ADK: variants seen among roughly 807,000 people sequenced by gnomAD.
ADK encodes adenosine kinase.
A neutral mutation model predicts 44.7 loss-of-function variants in ADK; 24 were observed. That is an observed-to-expected ratio of 0.54 (90% CI 0.39 to 0.76). ADK has a LOEUF of 0.76. ADK is among the 30% of genes least tolerant of loss of function. The pLI is 0.00. For synonymous variants in ADK, 128 were observed against 142.6 expected, an observed-to-expected ratio of 0.90 and a Z score of 0.73; for missense variants, 321 against 425.1, an observed-to-expected ratio of 0.76 and a Z score of 2.15.
At chr10:74,270,359 A>G (rs916560671) in intron 3 of ADK, among the ~76,000 whole-genome samples, 7 of 152,322 alleles carry the variant, frequency 4.6e-5, no homozygotes, top group African/African-American at 1.7e-4. Context: ...TCTAAACCAG[A>G]AAAAAATAGT....
At chr10:74,371,998 A>C in intron 4 of ADK, 1 of 794,190 alleles carries the variant, frequency 1.3e-6, no homozygotes, top group Non-Finnish European at 2.2e-6. Context: ...TCTCCTCTGC[A>C]CTTTGTGGAC....
chr10:74,704,576 T>C (rs1856532813), intron 10 of ADK, among the ~76,000 whole-genome samples: 1 of 152,244 alleles, frequency 6.6e-6, no homozygotes, highest in African/African-American at 2.4e-5. Context: ...ACATTCACCT[T>C]GGGCAAAGGT....
At chr10:74,679,317 A>G (rs1018488046) in intron 10 of ADK, among the ~76,000 whole-genome samples, 9 of 152,238 alleles carry the variant, frequency 5.9e-5, no homozygotes, top group Non-Finnish European at 1.2e-4. Context: ...GCAAGAAAGT[A>G]AATTTCCATA....
chr10:74,581,443 CAA>C (rs1851371394), intron 7 of ADK, among the ~76,000 whole-genome samples: 1 of 151,962 alleles, frequency 6.6e-6, no homozygotes, highest in Non-Finnish European at 1.5e-5. Context: ...AGCTGTGAGA[CAA>C]CTTTAGATGA....
chr10:74,630,345 A>G (rs369277892), intron 9 of ADK, among the ~76,000 whole-genome samples: 2 of 150,282 alleles, frequency 1.3e-5, no homozygotes, highest in South Asian at 2.1e-4. Context: ...TTTTTGGTCC[A>G]GGATACAATC....
At chr10:74,463,763 G>T (rs1485376102) in intron 6 of ADK, among the ~76,000 whole-genome samples, 5 of 151,954 alleles carry the variant, frequency 3.3e-5, no homozygotes, top group Non-Finnish European at 7.4e-5. Flanking sequence ...GTGCAGATTC[G>T]TCGTCTTTAC....
chr10:74,385,451 AG>A (rs1247436792), intron 4 of ADK, among the ~76,000 whole-genome samples: 1 of 152,194 alleles, frequency 6.6e-6, no homozygotes, highest in Non-Finnish European at 1.5e-5. Context: ...TAAGAATTGT[AG>A]GTAACCTGGG....
At chr10:74,446,672 T>C (rs911279742) in intron 6 of ADK, among the ~76,000 whole-genome samples, 18 of 152,304 alleles carry the variant, frequency 1.2e-4, no homozygotes, top group African/African-American at 4.1e-4. Context: ...ATACAGTGAA[T>C]GAAATATAGG....
chr10:74,266,734 GT>G (rs1846229562), intron 3 of ADK, among the ~76,000 whole-genome samples: 1 of 152,096 alleles, frequency 6.6e-6, no homozygotes, highest in African/African-American at 2.4e-5. Flanking sequence ...AATAAACTGT[GT>G]TTTAAAAGTA....
intron 7 of ADK, among the ~76,000 whole-genome samples, chr10:74,577,689 T>C (rs758056084): frequency 6.6e-6 from 1 of 152,118 alleles, no homozygotes; most frequent in Non-Finnish European, 1.5e-5. Context: ...TTTTATCCAG[T>C]ACTATTTTAG....
Position 74,180,967 on chromosome 10 carries a change from G to A in ADK, c.66-19797G>A, listed in dbSNP as rs113469409. 6.6e-5 allele frequency among the ~76,000 whole-genome samples: 10 copies of A among 152,274 alleles called. 1 individual carries two copies. Among genetic ancestry groups the A allele is most frequent in the African/African-American group, 2.4e-4 (10 of 41,560 alleles). On this transcript the variant is annotated intron_variant, in intron 1 of 10. Transcript: ENST00000539909. ...TGTAAAAGTGCTTTTAAATTTTAAA[G>A]CATTTTAAAAATAGAATAAAAGCAC...
At chr10:74,158,841 T>TG in intron 1 of ADK, among the ~76,000 whole-genome samples, 2 of 152,350 alleles carry the variant, frequency 1.3e-5, no homozygotes, top group Admixed American at 1.3e-4. Context: ...AGATACTTTT[T>TG]GGCTAGCTCT....
chr10:74,613,419 G>C (rs1852630039), intron 9 of ADK, among the ~76,000 whole-genome samples: 1 of 152,048 alleles, frequency 6.6e-6, no homozygotes, highest in Non-Finnish European at 1.5e-5. Flanking sequence ...CTCAGGCCTT[G>C]GGAAATGCTT....
intron 3 of ADK, among the ~76,000 whole-genome samples, chr10:74,282,939 G>A (rs151017105): frequency 4.6e-5 from 7 of 152,306 alleles, no homozygotes; most frequent in African/African-American, 1.4e-4. Context: ...TACCATGAGA[G>A]TAGTTGTTCT....
At chr10:74,673,677 G>T (rs994459924) in intron 10 of ADK, among the ~76,000 whole-genome samples, 2 of 152,176 alleles carry the variant, frequency 1.3e-5, no homozygotes, top group Admixed American at 6.5e-5. Context: ...ACCCTCCATT[G>T]TCACCAATGT....
At chr10:74,409,293 G>T (rs373670498) in intron 6 of ADK, among the ~76,000 whole-genome samples, 2 of 152,226 alleles carry the variant, frequency 1.3e-5, no homozygotes. Context: ...TGCAAGTTTA[G>T]GCTTATTATG....
chr10:74,418,926 GC>G (rs1844464397), intron 6 of ADK, among the ~76,000 whole-genome samples: 1 of 152,180 alleles, frequency 6.6e-6, no homozygotes, highest in South Asian at 2.1e-4. Context: ...TAGATTGTTT[GC>G]ATGGACTCTA....
At chr10:74,277,054 A>G (rs111841504) in intron 3 of ADK, among the ~76,000 whole-genome samples, 18,665 of 151,966 alleles carry the variant, frequency 0.12, 1,203 homozygotes, top group Middle Eastern at 0.17. Flanking sequence ...AGTAGCTGGG[A>G]TTACAGGCGC....
intron 4 of ADK, among the ~76,000 whole-genome samples, chr10:74,359,550 T>A (rs1416319127): frequency 6.6e-6 from 1 of 151,912 alleles, no homozygotes; most frequent in Non-Finnish European, 1.5e-5. Context: ...TACAAAAAAA[T>A]ATTTTTTTAA....
Sources: gnomAD v4.1 joint callset for allele counts (sites outside exome capture counted in the v4.1 genomes callset) on GRCh38, gnomAD v4.1.1 for gene constraint, MANE v1.5 for transcripts, NCBI Gene and HGNC (gene_info 2026-07-23, HGNC 2026-07-21) for gene names.